The following EPHA7 variants were observed in gnomAD, a reference collection of about 807,000 sequenced individuals.
EPHA7 encodes ephrin type-A receptor 7.
Under a neutral mutation model 112.6 loss-of-function variants are expected in EPHA7, and 25 were observed. That is an observed-to-expected ratio of 0.22 (90% CI 0.16 to 0.31). The LOEUF is 0.31. Among genes scored for constraint, EPHA7 ranks in the 10% least tolerant of loss-of-function variants. The probability of loss-of-function intolerance (pLI) is 1.00; values close to 1 mark genes in which losing one functional copy is unlikely to be tolerated. For synonymous variants in EPHA7, 437 were observed against 406.5 expected (o/e 1.07, Z -0.90); for missense variants, 962 against 1,212.6 (o/e 0.79, Z 3.07).
chr6:93,405,829 AT>A (rs1298128705), intron 3 of EPHA7, among the ~76,000 whole-genome samples: 1 of 125,360 alleles, frequency 8.0e-6, no homozygotes, highest in Non-Finnish European at 1.7e-5. Flanking sequence ...ATATATATAT[AT>A]ATATATATAT....
At position 93,282,840 on chromosome 6, in the gene EPHA7, G is replaced by A. The variant is rs912222756; in HGVS notation, c.1325-10418C>T. ...CCCCGGCCTTAGCTGCCTCCCTGCA[G>A]GGCAGGGCTCAGGACCTGCACCCTG... is the stretch of plus-strand genomic sequence containing the variant. On this transcript the variant is annotated intron_variant, in intron 5 of 16. Coordinates refer to ENST00000369303, the MANE Select transcript of EPHA7 (RefSeq NM_004440.4). Among the ~76,000 whole-genome samples, 14 of 152,152 alleles carry A rather than the reference G, an allele frequency of 9.2e-5. 1 individual carries two copies. The highest frequency in any genetic ancestry group is 7.9e-4 in the Admixed American group (12 of 15,286).
intron 2 of EPHA7, among the ~76,000 whole-genome samples, chr6:93,413,267 G>C (rs1426181212): frequency 6.6e-6 from 1 of 151,844 alleles, no homozygotes; most frequent in African/African-American, 2.4e-5. Context: ...ATTATGTGTT[G>C]ATGTTTACAG....
At chr6:93,301,738 A>G (rs890985241) in intron 5 of EPHA7, among the ~76,000 whole-genome samples, 1 of 152,182 alleles carries the variant, frequency 6.6e-6, no homozygotes, top group Non-Finnish European at 1.5e-5. Context: ...TACTTACAGC[A>G]TAGTGAATGT....
chr6:93,303,966 G>C (rs1473038276), intron 5 of EPHA7, among the ~76,000 whole-genome samples: 1 of 152,032 alleles, frequency 6.6e-6, no homozygotes, highest in Non-Finnish European at 1.5e-5. Flanking sequence ...CATGCTGCAA[G>C]ACATAAATGT....
Position 93,241,303 on chromosome 6 carries a change from CTCTT to C in EPHA7, c.*2119_*2122del. 4.5e-6 allele frequency: 1 copy of C among 220,294 alleles called. No individual in the cohort carries two copies. The highest frequency in any genetic ancestry group is 1.8e-4 in the South Asian group (1 of 5,424). 13.6% of individuals were successfully genotyped at this position (220,294 alleles called of 1,614,324 possible). The stretch of plus-strand genomic sequence containing the variant: ...AAGGAATTAAGAACACTCACTCAAA[CTCTT>C]TCACTCATTCTCACAAAGGCCAATG... On this transcript the variant is annotated 3_prime_UTR_variant, in exon 17 of 17. Transcript: ENST00000369303.
Position 93,419,325 on chromosome 6 carries a change from C to T in EPHA7, c.17G>A (p.Arg6Gln). The change falls in exon 1 of 17, where the codon CGG becomes CAG. Residue 6 changes from arginine to glutamine, a missense_variant. Arg to Gln is a conservative substitution (Grantham distance 43). Coordinates refer to ENST00000369303, the MANE Select transcript of EPHA7 (RefSeq NM_004440.4). ...GCATAAAATAATCCATGAAGGGTAC[C>T]GAGTTTGAAAAACCATGGTGCATGA... MVFQT[R>Q]YPSWIILCYI... 1 of 1,613,954 alleles carries T rather than the reference C, an allele frequency of 6.2e-7. No individual in the cohort carries two copies. The highest frequency in any genetic ancestry group is 8.5e-7 in the Non-Finnish European group (1 of 1,179,894).
chr6:93,407,439 G>A (rs1188972336), intron 3 of EPHA7, among the ~76,000 whole-genome samples: 3 of 152,002 alleles, frequency 2.0e-5, no homozygotes, highest in African/African-American at 7.2e-5. Context: ...GCAATGCATT[G>A]GAATTATGCC....
chr6:93,259,245 A>G lies in EPHA7; in HGVS notation c.1924+109T>C. 2.2e-6 allele frequency: 3 copies of G among 1,379,998 alleles called. No homozygotes were observed. In the South Asian group the frequency reaches 4.0e-5, roughly 19 times the overall value. The allele number at this position is 1,379,998 out of a possible 1,614,324, so 85.5% of individuals were successfully genotyped here. On this transcript the variant is annotated intron_variant, in intron 10 of 16. Transcript: ENST00000369303. ...TCACTGCTTCCAACAGTTCAGGTAA[A>G]TGCAAAAGTTCTATACTTGAGGGAT...
chr6:93,264,099 T>C (rs1261360953), intron 8 of EPHA7, among the ~76,000 whole-genome samples, 184 bp from the exon 9 acceptor site: 3 of 151,556 alleles, frequency 2.0e-5, no homozygotes, highest in Non-Finnish European at 3.0e-5. Context: ...ACTTTTTGTG[T>C]GAGAAAATGT....
rs1327105282 is a variant in EPHA7 at position 93,255,869 on chromosome 6, G to A, written c.2341C>T (p.Arg781Ter). 2 of 1,613,838 alleles carry A rather than the reference G, an allele frequency of 1.2e-6. No individual in the cohort carries two copies. The highest frequency in any genetic ancestry group is 1.7e-6 in the Non-Finnish European group (2 of 1,179,984). ...VCKVSDFGLS[R>*]VIEDDPEAVY... ...GCTTCTGGATCATCCTCTATAACTC[G>A]GGACAGGCCAAAATCTGACACTTTA... The change falls in exon 13 of 17, where the codon CGA becomes TGA. Residue 781 changes from arginine (R) to a stop codon, truncating the protein, a stop_gained. Transcript: ENST00000369303. LOFTEE classifies it high-confidence loss of function.
intron 6 of EPHA7, among the ~76,000 whole-genome samples, chr6:93,271,659 T>G (rs1237795287): frequency 1.3e-5 from 2 of 151,862 alleles, no homozygotes; most frequent in African/African-American, 4.8e-5. Context: ...TACTAAAATT[T>G]AGTCATTATA....
intron 5 of EPHA7, among the ~76,000 whole-genome samples, chr6:93,329,667 G>C (rs1432561453): frequency 6.6e-6 from 1 of 151,170 alleles, no homozygotes; most frequent in African/African-American, 2.4e-5. Context: ...AATAAACTTA[G>C]TAACTTCATT....
At chr6:93,249,725 G>A (rs1264697057) in intron 14 of EPHA7, among the ~76,000 whole-genome samples, 1 of 152,080 alleles carries the variant, frequency 6.6e-6, no homozygotes, top group Non-Finnish European at 1.5e-5. Flanking sequence ...TGTAAGTCGA[G>A]TGATCTTTCC....
Position 93,240,590 on chromosome 6 carries a change from C to T in EPHA7, c.*2836G>A, listed in dbSNP as rs1344569077. 9.2e-6 allele frequency: 2 copies of T among 218,398 alleles called. No homozygotes were observed. Among genetic ancestry groups the T allele is most frequent in the Non-Finnish European group, 9.2e-6 (1 of 108,834 alleles). The allele number at this position is 218,398 out of a possible 1,614,324, so 13.5% of individuals were successfully genotyped here. A position where few individuals can be genotyped will look rare whatever the true frequency, so the allele number is the denominator to read the frequency against. The stretch of plus-strand genomic sequence containing the variant: ...AGAACAAGTTACTTTTATTTCAGTA[C>T]TGAATGCAAAACACAGGTCAAGTGT... On this transcript the variant is annotated 3_prime_UTR_variant, in exon 17 of 17. Transcript: ENST00000369303.
chr6:93,312,431 A>C (rs1205223612), intron 5 of EPHA7, among the ~76,000 whole-genome samples: 2 of 151,354 alleles, frequency 1.3e-5, no homozygotes, highest in Non-Finnish European at 2.9e-5. Context: ...TCACGAACCT[A>C]CCCTTGCTAG....
chr6:93,391,091 AT>A (rs1777882079), intron 3 of EPHA7, among the ~76,000 whole-genome samples: 1 of 151,932 alleles, frequency 6.6e-6, no homozygotes, highest in Non-Finnish European at 1.5e-5. Flanking sequence ...TTTGGTAATA[AT>A]TTAAATTGTC....
intron 5 of EPHA7, among the ~76,000 whole-genome samples, chr6:93,303,291 C>A (rs575777467): frequency 6.6e-6 from 1 of 152,260 alleles, no homozygotes; most frequent in South Asian, 2.1e-4. Context: ...CTTCTCACTA[C>A]ATTAAAAGAC....
chr6:93,248,185 A>G (rs1377846008), intron 14 of EPHA7, among the ~76,000 whole-genome samples: 1 of 152,136 alleles, frequency 6.6e-6, no homozygotes, highest in Non-Finnish European at 1.5e-5. Context: ...TGGCTTTAAG[A>G]AATGTTGATG....
intron 3 of EPHA7, among the ~76,000 whole-genome samples, chr6:93,368,581 G>T (rs73755395): frequency 1.3e-5 from 2 of 152,060 alleles, no homozygotes; most frequent in African/African-American, 4.8e-5. Context: ...TGAGTGGCTT[G>T]TCAATAATTA....
Sources: gnomAD v4.1 joint callset for allele counts (sites outside exome capture counted in the v4.1 genomes callset) on GRCh38, gnomAD v4.1.1 for gene constraint, MANE v1.5 for transcripts, NCBI Gene and HGNC (gene_info 2026-07-23, HGNC 2026-07-21) for gene names.